The following ANKRD36C variants were observed in gnomAD, a reference collection of about 807,000 sequenced individuals.
ANKRD36C encodes the protein ankyrin repeat domain 36C.
Under a neutral mutation model 276.4 loss-of-function variants are expected in ANKRD36C, and 61 were observed. That is an observed-to-expected ratio of 0.22 (90% CI 0.18 to 0.27). The LOEUF is 0.27. Among genes scored for constraint, ANKRD36C ranks in the 10% least tolerant of loss-of-function variants. The pLI is 1.00. For synonymous variants in ANKRD36C, 483 were observed against 680.1 expected (o/e 0.71, Z 4.51); for missense variants, 1,447 against 2,032.3 (o/e 0.71, Z 5.54).
At chr2:95,959,592 C>G (rs576739505) in intron 10 of ANKRD36C, among the ~76,000 whole-genome samples, 18 of 152,148 alleles carry the variant, frequency 1.2e-4, no homozygotes, top group African/African-American at 4.3e-4. Context: ...TTGAAAATAA[C>G]CACTTTAGGA....
intron 13 of ANKRD36C, among the ~76,000 whole-genome samples, chr2:95,954,276 T>A (rs1678276229): frequency 1.3e-5 from 2 of 152,182 alleles, no homozygotes; most frequent in South Asian, 4.1e-4. Flanking sequence ...TCACAAATAG[T>A]GACAGGCATT....
chr2:95,941,906 G>A (rs1160705927), intron 19 of ANKRD36C, among the ~76,000 whole-genome samples: 31 of 149,672 alleles, frequency 2.1e-4, no homozygotes, highest in Non-Finnish European at 2.7e-4. Context: ...GTTAAAGGTA[G>A]AAAATACAAA....
chr2:95,969,983 C>CT (rs932482254), intron 6 of ANKRD36C, among the ~76,000 whole-genome samples: 39 of 152,062 alleles, frequency 2.6e-4, no homozygotes, highest in Non-Finnish European at 8.8e-5. Flanking sequence ...CAGGCATTCA[C>CT]TAAGGGTCTT....
In ANKRD36C at chr2:95,853,701, A is replaced by G; in HGVS notation, c.5148+8T>C. The G allele has an allele frequency of 6.4e-7, 1 of 1,570,628 alleles. No individual in the cohort carries two copies. Among genetic ancestry groups the G allele is most frequent in the Non-Finnish European group, 8.6e-7 (1 of 1,156,642 alleles). ...AACAGTTGTTGGTGTGCAAAGTTGC[A>G]TACATACTTGACTTCTCATCTGGTC... On this transcript the variant is annotated splice_region_variant and intron_variant, in intron 64 of 66. Transcript: ENST00000456556.
exon 18 of ANKRD36C, chr2:95,945,148 G>T (rs371035802): frequency 6.5e-7 from 1 of 1,537,736 alleles, no homozygotes; most frequent in Non-Finnish European, 8.7e-7. Context: ...TAGTCCTTCT[G>T]TTTGTAAAGT....
At chr2:95,963,592 T>C (rs1396040333) in intron 6 of ANKRD36C, among the ~76,000 whole-genome samples, 6 of 132,314 alleles carry the variant, frequency 4.5e-5, no homozygotes, top group African/African-American at 1.7e-4. Context: ...CGAGTCACTG[T>C]GGTTTATCTG....
Position 95,903,954 on chromosome 2 carries a change from GT to G in ANKRD36C, c.2654-4619del, listed in dbSNP as rs1347969224. Among the ~76,000 whole-genome samples the G allele has an allele frequency of 1.2e-4, 6 of 48,450 alleles. No homozygotes were observed. In the East Asian group the frequency reaches 2.7e-3, roughly 21 times the overall value. The allele number at this position is 48,450 out of a possible 152,430, so 31.8% of individuals were successfully genotyped here. A position where few individuals can be genotyped will look rare whatever the true frequency, so the allele number is the denominator to read the frequency against. ...ATAGCCTTGTTGGGAGTATCATGTT[GT>G]TCTCTAAAGAAGTTTCATGAAATAG... On this transcript the variant is annotated intron_variant, in intron 42 of 66. Transcript: ENST00000456556.
chr2:95,982,792 G>A (rs928257974), intron 3 of ANKRD36C, among the ~76,000 whole-genome samples: 10 of 113,432 alleles, frequency 8.8e-5, no homozygotes, highest in Non-Finnish European at 1.2e-4. Context: ...TCTATAGAGC[G>A]GTGTTTCTTA....
At chr2:95,956,048 G>T (rs1258144835) in intron 13 of ANKRD36C, among the ~76,000 whole-genome samples, 1 of 152,106 alleles carries the variant, frequency 6.6e-6, no homozygotes. Context: ...ATAAGAAAAA[G>T]CTTCAGCAAA....
In ANKRD36C at chr2:95,902,890, C is replaced by A. The variant is rs183768630; in HGVS notation, c.2654-3554G>T. ...TAAATCTCTTTTCAAAATTACCTCT[C>A]CTAGTTTTTTCTCCATACTTTTTTC... is the stretch of plus-strand genomic sequence containing the variant. On this transcript the variant is annotated intron_variant, in intron 42 of 66. Transcript: ENST00000456556. 30 of 1,576,254 alleles carry A rather than the reference C, an allele frequency of 1.9e-5. 1 individual carries two copies. The Admixed American group carries it at 5.3e-4, about 28-fold the overall frequency.
At chr2:95,906,324 C>T (rs1676757474) in intron 42 of ANKRD36C, among the ~76,000 whole-genome samples, 1 of 89,406 alleles carries the variant, frequency 1.1e-5, no homozygotes. Context: ...TTTCTCCTTA[C>T]ACCCTTAATG....
rs77524391 is a variant in ANKRD36C at position 95,956,862 on chromosome 2, C to G, written c.1106-46G>C. ...TGCATTTTAAATCAACAATAGGAAC[C>G]TATAAAATATTAAAAACATAAAAGA... On this transcript the variant is annotated intron_variant, in intron 12 of 66. Coordinates refer to ENST00000456556, the Ensembl canonical transcript of ANKRD36C. The G allele has an allele frequency of 9.4e-4, 1,370 of 1,459,002 alleles. 2 individuals are homozygous for G. Among genetic ancestry groups the G allele is most frequent in the Non-Finnish European group, 1.2e-3 (1,311 of 1,083,240 alleles). The allele number at this position is 1,459,002 out of a possible 1,614,324, so 90.4% of individuals were successfully genotyped here. A position where few individuals can be genotyped will look rare whatever the true frequency, so the allele number is the denominator to read the frequency against.
chr2:95,953,836 A>C, intron 14 of ANKRD36C, 103 bp downstream of exon 14: 1 of 1,170,072 alleles, frequency 8.5e-7, no homozygotes, highest in Non-Finnish European at 1.2e-6. Context: ...TTTAATACTA[A>C]CATAAAACAA....
At chr2:95,894,794 G>C (rs1382458499) in intron 44 of ANKRD36C, among the ~76,000 whole-genome samples, 1 of 151,190 alleles carries the variant, frequency 6.6e-6, no homozygotes, top group African/African-American at 2.4e-5. Context: ...AATGTTTCCT[G>C]CTTCCAGAAA....
intron 34 of ANKRD36C, among the ~76,000 whole-genome samples, chr2:95,918,830 T>C (rs1011104296): frequency 4.6e-5 from 7 of 150,658 alleles, no homozygotes; most frequent in Non-Finnish European, 8.9e-5. Flanking sequence ...CACTGCAATA[T>C]TCATTGAAAA....
rs185687645 is a variant in ANKRD36C, at chr2:95,880,475, C to T, written c.3421G>A (p.Val1141Ile). 1.1e-3 allele frequency: 1,677 copies of T among 1,553,722 alleles called. 20 individuals carry two copies. In the African/African-American group the frequency reaches 0.02, roughly 19 times the overall value. ...TTCATTTTGGTGGCTGTATTCAGAA[C>T]AGAATTTTTATTTTCAATTGTAGCC... Residue 1141 changes from valine (V) to isoleucine (I), a missense_variant, in exon 58 of 67, where the codon GTT (valine) becomes ATT (isoleucine). By Grantham distance (29) the Val-to-Ile change is conservative (BLOSUM62 3). Coordinates refer to ENST00000456556, the Ensembl canonical transcript of ANKRD36C.
At chr2:95,894,439 C>A (rs1039249476) in intron 44 of ANKRD36C, among the ~76,000 whole-genome samples, 3 of 151,462 alleles carry the variant, frequency 2.0e-5, no homozygotes, top group African/African-American at 7.3e-5. Context: ...TCAACTTTGA[C>A]ATATTTCTAC....
chr2:95,927,283 T>C (rs1407452188), exon 28 of ANKRD36C: 22 of 1,609,946 alleles, frequency 1.4e-5, no homozygotes, highest in Middle Eastern at 1.7e-4. Context: ...TCATCACTTG[T>C]AGCCTGAATG....
chr2:95,979,214 C>T (rs1228913018), intron 5 of ANKRD36C, among the ~76,000 whole-genome samples: 1 of 151,978 alleles, frequency 6.6e-6, no homozygotes, highest in Admixed American at 6.6e-5. Flanking sequence ...AATATAAGGC[C>T]ACCCATTTTG....
Sources: gnomAD v4.1 joint callset for allele counts (sites outside exome capture counted in the v4.1 genomes callset) on GRCh38, gnomAD v4.1.1 for gene constraint, MANE v1.5 for transcripts, NCBI Gene and HGNC (gene_info 2026-07-23, HGNC 2026-07-21) for gene names.